CLASP2: variants seen among roughly 807,000 people sequenced by gnomAD.
CLASP2 encodes the protein CLIP-associating protein 2.
In CLASP2, 47 loss-of-function variants were observed where a neutral mutation model predicts 194.4. The observed-to-expected ratio is 0.24, with a 90% CI of 0.19 to 0.31. The LOEUF (loss-of-function observed/expected upper bound fraction) is 0.31. Ranked by LOEUF, CLASP2 falls within the 10% of genes least tolerant of loss-of-function variation. The pLI is 1.00. For missense variants in CLASP2, 1,445 were observed against 1,823.6 expected (o/e 0.79, Z 3.78); for synonymous variants, 619 against 633.5 (o/e 0.98, Z 0.34).
At chr3:33,684,477 T>G in intron 5 of CLASP2, 21 bp from the exon 6 acceptor site, 1 of 1,498,302 alleles carries the variant, frequency 6.7e-7, no homozygotes, top group Non-Finnish European at 9.2e-7. Context: ...ATTCAGAACT[T>G]TTTAATAAAC....
intron 2 of CLASP2, among the ~76,000 whole-genome samples, chr3:33,695,054 T>C (rs1043321337): frequency 1.3e-5 from 2 of 149,540 alleles, no homozygotes; most frequent in Non-Finnish European, 3.0e-5. Flanking sequence ...GTTTTCAATA[T>C]CTACTATAGT....
chr3:33,522,793 G>A (rs541246847), intron 34 of CLASP2, among the ~76,000 whole-genome samples: 4 of 152,302 alleles, frequency 2.6e-5, no homozygotes, highest in African/African-American at 7.2e-5. Flanking sequence ...AATAGTGGCC[G>A]GGCGCAGTGG....
intron 34 of CLASP2, among the ~76,000 whole-genome samples, chr3:33,520,440 A>ATC (rs1194579278): frequency 7.2e-5 from 11 of 152,248 alleles, no homozygotes; most frequent in African/African-American, 2.2e-4. Context: ...TAAGGAGGGT[A>ATC]TCCACTGGTG....
At chr3:33,702,789 GA>G (rs2092459337) in intron 1 of CLASP2, among the ~76,000 whole-genome samples, 1 of 152,042 alleles carries the variant, frequency 6.6e-6, no homozygotes, top group African/African-American at 2.4e-5. Flanking sequence ...AAACAGAAAA[GA>G]ATAGAAAGTC....
intron 27 of CLASP2, among the ~76,000 whole-genome samples, chr3:33,565,969 C>A (rs1182603503): frequency 1.3e-5 from 2 of 152,070 alleles, no homozygotes; most frequent in African/African-American, 4.8e-5. Flanking sequence ...ATTGCACAGG[C>A]GTCTGTGTCC....
intron 37 of CLASP2, among the ~76,000 whole-genome samples, chr3:33,509,473 C>G (rs1252098754): frequency 6.6e-6 from 1 of 152,138 alleles, no homozygotes; most frequent in Non-Finnish European, 1.5e-5. Flanking sequence ...CCTTGGCCTC[C>G]CAAAGTGCTG....
chr3:33,689,303 G>C (rs1022752628), intron 3 of CLASP2, among the ~76,000 whole-genome samples: 1 of 151,836 alleles, frequency 6.6e-6, no homozygotes, highest in East Asian at 1.9e-4. Flanking sequence ...TTATGGTACT[G>C]TTTGTAGTCA....
At chr3:33,674,088 C>T (rs1170944697) in intron 6 of CLASP2, among the ~76,000 whole-genome samples, 11 of 152,066 alleles carry the variant, frequency 7.2e-5, no homozygotes, top group African/African-American at 2.2e-4. Context: ...CTGCACCAAG[C>T]GGACCTAATA....
At position 33,667,242 on chromosome 3, in the gene CLASP2, T is replaced by A. The variant is rs558931564; in HGVS notation, c.645-3727A>T. Reference sequence around the variant, plus strand: ...GCCTGGCCAACATGGTGAAACCCCATCTGTACTGAAAATACAAAACATAGC... The same window carrying A: ...GCCTGGCCAACATGGTGAAACCCCAACTGTACTGAAAATACAAAACATAGC... On this transcript the variant is annotated intron_variant, in intron 6 of 38. Transcript: ENST00000682230. 3.3e-5 allele frequency among the ~76,000 whole-genome samples: 5 copies of A among 151,934 alleles called. No homozygotes were observed. In the South Asian group the frequency reaches 1.0e-3, roughly 32 times the overall value.
chr3:33,657,600 T>A (rs973795822), intron 7 of CLASP2, among the ~76,000 whole-genome samples: 296 of 151,522 alleles, frequency 2.0e-3, no homozygotes, highest in Middle Eastern at 3.4e-3. Context: ...TTTTTTTTTT[T>A]AAAAAGGAAG....
At chr3:33,623,835 T>C (rs1335380179) in intron 10 of CLASP2, among the ~76,000 whole-genome samples, 1 of 152,144 alleles carries the variant, frequency 6.6e-6, no homozygotes, top group African/African-American at 2.4e-5. Context: ...ATTTTTATTT[T>C]TATTATTTTT....
chr3:33,522,793 G>C (rs541246847), intron 34 of CLASP2, among the ~76,000 whole-genome samples: 1 of 152,184 alleles, frequency 6.6e-6, no homozygotes, highest in East Asian at 1.9e-4. Context: ...AATAGTGGCC[G>C]GGCGCAGTGG....
chr3:33,707,054 G>A (rs1029720758), intron 1 of CLASP2, among the ~76,000 whole-genome samples: 6 of 152,156 alleles, frequency 3.9e-5, no homozygotes, highest in African/African-American at 1.4e-4. Context: ...CAAGGAACAT[G>A]AATACCACTA....
intron 22 of CLASP2, among the ~76,000 whole-genome samples, chr3:33,582,564 CAGG>C (rs1245635487): frequency 6.6e-6 from 1 of 152,084 alleles, no homozygotes; most frequent in African/African-American, 2.4e-5. Context: ...GATGATGAGG[CAGG>C]AGGATTGCTT....
intron 21 of CLASP2, 98 bp from the exon 22 acceptor site, chr3:33,585,018 C>A (rs755037829): frequency 1.9e-6 from 2 of 1,056,930 alleles, no homozygotes. Context: ...ACAGAGAAAA[C>A]TGTGACAGTA....
intron 8 of CLASP2, among the ~76,000 whole-genome samples, chr3:33,642,666 T>C (rs190203332): frequency 1.3e-5 from 2 of 151,992 alleles, no homozygotes; most frequent in Admixed American, 1.3e-4. Flanking sequence ...CTAAGAAAAC[T>C]TTCTACAACC....
At chr3:33,622,318 G>A in intron 10 of CLASP2, 38 bp from the exon 11 acceptor site, 1 of 1,404,214 alleles carries the variant, frequency 7.1e-7, no homozygotes, top group Non-Finnish European at 9.3e-7. Context: ...AAAAAAGGTG[G>A]AAGTGCAAAA....
intron 7 of CLASP2, among the ~76,000 whole-genome samples, chr3:33,657,757 G>A (rs1192099596): frequency 2.0e-5 from 3 of 151,962 alleles, no homozygotes; most frequent in African/African-American, 4.8e-5. Context: ...AAATCATAAC[G>A]ATATGCCAAA....
At chr3:33,668,076 C>T (rs1057015859) in intron 6 of CLASP2, among the ~76,000 whole-genome samples, 7 of 151,800 alleles carry the variant, frequency 4.6e-5, no homozygotes, top group South Asian at 2.1e-4. Flanking sequence ...AAAATTAGCC[C>T]GGTGTGGTAG....
Sources: gnomAD v4.1 joint callset for allele counts (sites outside exome capture counted in the v4.1 genomes callset) on GRCh38, gnomAD v4.1.1 for gene constraint, MANE v1.5 for transcripts, NCBI Gene and HGNC (gene_info 2026-07-23, HGNC 2026-07-21) for gene names.